GGT1: variants seen among roughly 807,000 people sequenced by gnomAD.
The protein encoded by GGT1 is gamma-glutamyltransferase 1, also known as glutathione hydrolase 1 proenzyme.
A neutral mutation model predicts 56.0 loss-of-function variants in GGT1; 21 were observed. The ratio of observed to expected loss-of-function variants is 0.38; its 90% CI spans 0.27 to 0.54. The LOEUF is 0.54. Ranked by LOEUF, GGT1 falls within the 20% of genes least tolerant of loss-of-function variation. The pLI, the probability that GGT1 is intolerant of heterozygous loss-of-function variation, is 0.82. For synonymous variants in GGT1, 238 were observed against 342.6 expected (o/e 0.69, Z 3.37); for missense variants, 466 against 787.0 (o/e 0.59, Z 4.88).
Position 24,605,739 on chromosome 22 carries a change from A to G in GGT1, c.-429+2212A>G, listed in dbSNP as rs2046182428. On this transcript the variant is annotated intron_variant, in intron 1 of 15. Transcript: ENST00000400382. ...TGTATTATATATTATATAATATTAT[A>G]TAATGTGTATTATATATTATATAAT... is the stretch of plus-strand genomic sequence containing the variant. Among the ~76,000 whole-genome samples, 2 of 78,252 alleles carry G rather than the reference A, an allele frequency of 2.6e-5. 1 individual carries two copies. The highest frequency in any genetic ancestry group is 7.8e-4 in the South Asian group (2 of 2,552). 51.3% of individuals were successfully genotyped at this position (78,252 alleles called of 152,430 possible). A position where few individuals can be genotyped will look rare whatever the true frequency, so the allele number is the denominator to read the frequency against.
At chr22:24,589,014 C>T in the GGT1 span, 1 of 1,021,686 alleles carries the variant, frequency 9.8e-7, no homozygotes, top group Non-Finnish European at 1.2e-6. Flanking sequence ...GCAGGCAGCA[C>T]ACACAGCAGC....
intron 1 of GGT1, among the ~76,000 whole-genome samples, chr22:24,606,740 T>G (rs937863082): frequency 6.6e-6 from 1 of 152,032 alleles, no homozygotes; most frequent in Non-Finnish European, 1.5e-5. Context: ...AGGACAGGCC[T>G]ATGTGACCCA....
intron 1 of GGT1, among the ~76,000 whole-genome samples, chr22:24,605,125 G>GTATTATATTATATATTATATAA: frequency 2.6e-5 from 2 of 78,328 alleles, no homozygotes; most frequent in South Asian, 6.3e-4. Context: ...TATATAATAT[G>GTATTATATTATATATTATATAA]TAATATATTA....
upstream of GGT1, among the ~76,000 whole-genome samples, chr22:24,602,114 G>A (rs1370921136): frequency 2.0e-5 from 3 of 152,104 alleles, no homozygotes; most frequent in Admixed American, 6.5e-5. Context: ...TTGACACCTC[G>A]GGGCTCAGGA....
upstream of GGT1, among the ~76,000 whole-genome samples, chr22:24,598,445 CAAAAAAAAAA>C (rs1186508492): frequency 2.6e-5 from 2 of 76,036 alleles, no homozygotes; most frequent in Non-Finnish European, 5.4e-5. Flanking sequence ...GACTCCGTCT[CAAAAAAAAAA>C]AAAAAAAAAA....
At position 24,620,219 on chromosome 22, in the gene GGT1, C is replaced by T. The variant is rs2047336455; in HGVS notation, c.383-109C>T. 1.5e-6 allele frequency: 2 copies of T among 1,336,968 alleles called. 1 individual carries two copies. The highest frequency in any genetic ancestry group is 2.0e-6 in the Non-Finnish European group (2 of 978,418). 82.8% of individuals were successfully genotyped at this position (1,336,968 alleles called of 1,614,324 possible). A position where few individuals can be genotyped will look rare whatever the true frequency, so the allele number is the denominator to read the frequency against. On this transcript the variant is annotated intron_variant, in intron 7 of 15. Transcript: ENST00000400382. The surrounding 1 kb of genome is among the most constrained non-coding windows in gnomAD (Gnocchi z 5.6). ...AAAAAAAAAATCTTTCCTCCTAAGCCTCATTGCCCCATCTGTAAAATGAGT... is the reference window on the plus strand; with the variant it reads ...AAAAAAAAAATCTTTCCTCCTAAGCTTCATTGCCCCATCTGTAAAATGAGT...
chr22:24,588,222 G>T, the GGT1 span: 1 of 1,612,424 alleles, frequency 6.2e-7, no homozygotes, highest in Non-Finnish European at 8.5e-7. Context: ...ACCAGCTCTG[G>T]GTCTTCCTCT....
chr22:24,588,344 T>C, the GGT1 span: 1 of 1,595,688 alleles, frequency 6.3e-7, no homozygotes, highest in Non-Finnish European at 8.6e-7. Context: ...GGGAGGGCAG[T>C]GTCACCATGG....
At chr22:24,587,539 G>A in the GGT1 span, among the ~76,000 whole-genome samples, 1 of 152,076 alleles carries the variant, frequency 6.6e-6, no homozygotes. Context: ...GGCAGACAGG[G>A]GAGGCCTGCT....
rs1337225724 is a variant in GGT1 at position 24,611,148 on chromosome 22, T to C, written c.67T>C (p.Cys23Arg). 6.2e-7 allele frequency: 1 copy of C among 1,600,394 alleles called. No homozygotes were observed. ...VVLVLVIVGL[C>R]LWLPSASKEP... ...CCTGGTGCTGGTCATTGTCGGCCTC[T>C]GTCTCTGGCTGCCCTCAGCCTCCAA... The change falls in exon 5 of 16, where the codon TGT becomes CGT. Residue 23 changes from cysteine to arginine, a missense_variant. Cys to Arg is a radical substitution (Grantham distance 180). Coordinates refer to ENST00000400382, the MANE Select transcript of GGT1 (RefSeq NM_001288833.2).
At chr22:24,618,785 A>G (rs1374715001) in intron 7 of GGT1, among the ~76,000 whole-genome samples, 3 of 152,186 alleles carry the variant, frequency 2.0e-5, no homozygotes, top group African/African-American at 7.2e-5. Context: ...ACAGCTGCCA[A>G]GCCAAGCCAA....
the GGT1 span, chr22:24,585,518 A>C: frequency 7.7e-6 from 2 of 258,494 alleles, no homozygotes; most frequent in African/African-American, 2.2e-5. Flanking sequence ...CACCTGGGGG[A>C]AGGTCAGTGT....
In GGT1 at chr22:24,627,967, T is replaced by G. The variant is rs369033711; in HGVS notation, c.1324T>G (p.Phe442Val). 27 of 1,612,774 alleles carry G rather than the reference T, an allele frequency of 1.7e-5. No individual in the cohort carries two copies. The highest frequency in any genetic ancestry group is 2.2e-5 in the Non-Finnish European group (26 of 1,179,632). ...EFGVPPSPAN[F>V]IQPGKQPLSS... Reference sequence around the variant, plus strand: ...TGGGGTACCCCCCTCACCTGCCAATTTCATCCAGCCAGGTATGGGGTGGAG... The same window carrying G: ...TGGGGTACCCCCCTCACCTGCCAATGTCATCCAGCCAGGTATGGGGTGGAG... The change falls in exon 13 of 16, where the codon TTC becomes GTC. Residue 442 changes from phenylalanine to valine, a missense_variant. This residue lies in a region of GGT1 where 456 missense variants were observed against 716.7 expected (regional missense o/e 0.64). Transcript: ENST00000400382.
chr22:24,600,488 A>G (rs1049447378), upstream of GGT1, among the ~76,000 whole-genome samples: 1 of 152,220 alleles, frequency 6.6e-6, no homozygotes, highest in African/African-American at 2.4e-5. Flanking sequence ...GCTCCCAGGC[A>G]TTCACAAGCT....
At position 24,620,929 on chromosome 22, in the gene GGT1, G is replaced by A. The variant is rs1198539739; in HGVS notation, c.592G>A (p.Asp198Asn). 6.2e-7 allele frequency: 1 copy of A among 1,612,002 alleles called. No homozygotes were observed. The highest frequency in any genetic ancestry group is 2.2e-5 in the East Asian group (1 of 44,880). The change falls in exon 9 of 16, where the codon GAT (aspartate) becomes AAT (asparagine). Residue 198 changes from aspartate (D) to asparagine (N), a missense_variant. Around this residue, in one of 2 missense-constraint regions of GGT1, gnomAD observed 456 missense variants for 716.7 expected, o/e 0.64. Transcript: ENST00000400382. The surrounding 1 kb of genome is among the most constrained non-coding windows in gnomAD (Gnocchi z 5.6). The stretch of plus-strand genomic sequence containing the variant: ...CTGCCCCAGTGAGGTGTTCTGCCGG[G>A]ATAGAAAGGTGCTTCGGGAGGGGGA... Reference protein sequence around the residue: ...QPVLCEVFCRDRKVLREGERL... With the variant: ...QPVLCEVFCRNRKVLREGERL...
At chr22:24,586,335 C>T in the GGT1 span, 1 of 1,613,960 alleles carries the variant, frequency 6.2e-7, no homozygotes, top group Non-Finnish European at 8.5e-7. Flanking sequence ...TGTTGCACGT[C>T]CTGTGTCGAC....
intron 11 of GGT1, chr22:24,627,172 A>G: frequency 3.9e-6 from 4 of 1,032,930 alleles, no homozygotes; most frequent in Non-Finnish European, 5.5e-6. Flanking sequence ...TGCATGAAGG[A>G]ATGAGTGATT....
the GGT1 span, among the ~76,000 whole-genome samples, chr22:24,585,114 C>T: frequency 6.6e-6 from 1 of 152,194 alleles, no homozygotes; most frequent in African/African-American, 2.4e-5. Flanking sequence ...CCTAACCCCA[C>T]AGAGCTGCCC....
intron 11 of GGT1, among the ~76,000 whole-genome samples, chr22:24,626,895 C>T (rs2147535518): frequency 1.3e-5 from 2 of 150,108 alleles, no homozygotes; most frequent in East Asian, 3.9e-4. Context: ...GCCTATCACT[C>T]ACCAGCCTAT....
Sources: allele counts gnomAD v4.1 joint callset (sites outside exome capture counted in the v4.1 genomes callset), GRCh38; gene constraint gnomAD v4.1.1; regional missense constraint gnomAD v4.1.1; non-coding constraint Gnocchi (gnomAD v3.1); transcripts MANE v1.5; gene names NCBI Gene and HGNC (gene_info 2026-07-23, HGNC 2026-07-21).